The following PLXDC2 variants were observed in gnomAD, a reference collection of about 807,000 sequenced individuals.
The protein encoded by PLXDC2 is plexin domain-containing protein 2.
PLXDC2 carries 40 observed loss-of-function variants against 68.9 expected under a neutral mutation model. The observed-to-expected ratio is 0.58, with a 90% CI of 0.45 to 0.76. The LOEUF is 0.76. Among genes scored for constraint, PLXDC2 ranks in the 30% least tolerant of loss-of-function variants. The pLI is 0.00. For synonymous variants in PLXDC2, 243 were observed against 234.2 expected (o/e 1.04, Z -0.34); for missense variants, 644 against 661.9 (o/e 0.97, Z 0.30).
At chr10:20,078,952 C>A (rs950595207) in intron 4 of PLXDC2, among the ~76,000 whole-genome samples, 7 of 151,764 alleles carry the variant, frequency 4.6e-5, no homozygotes, top group Non-Finnish European at 1.5e-5. Flanking sequence ...TAGAAGAAAA[C>A]TAGAGAAGAA....
intron 1 of PLXDC2, among the ~76,000 whole-genome samples, chr10:19,904,058 AT>A (rs771512341): frequency 8.6e-5 from 13 of 151,884 alleles, no homozygotes; most frequent in East Asian, 5.8e-4. Context: ...ACCTGATATA[AT>A]TTTGATTTTC....
At chr10:20,190,748 A>G (rs537288196) in intron 9 of PLXDC2, among the ~76,000 whole-genome samples, 1 of 151,862 alleles carries the variant, frequency 6.6e-6, no homozygotes, top group Non-Finnish European at 1.5e-5. Context: ...GGGGAATCTA[A>G]TGTTAAAATA....
At chr10:20,049,818 A>G (rs528155407) in intron 3 of PLXDC2, among the ~76,000 whole-genome samples, 13 of 152,300 alleles carry the variant, frequency 8.5e-5, no homozygotes, top group Admixed American at 3.3e-4. Context: ...TGCTATTCCT[A>G]TCAAACTACC....
chr10:20,147,034 C>A (rs972911892), intron 5 of PLXDC2, among the ~76,000 whole-genome samples: 4 of 151,962 alleles, frequency 2.6e-5, no homozygotes, highest in Non-Finnish European at 4.4e-5. Flanking sequence ...AGAGAGTACA[C>A]AATGTCAGTT....
intron 9 of PLXDC2, among the ~76,000 whole-genome samples, chr10:20,203,354 G>A (rs995757444): frequency 4.7e-5 from 7 of 150,398 alleles, no homozygotes; most frequent in Non-Finnish European, 8.9e-5. Flanking sequence ...GCAGTGGTAT[G>A]ATAACAGCTC....
intron 5 of PLXDC2, among the ~76,000 whole-genome samples, chr10:20,145,010 A>G (rs1834054061): frequency 6.6e-6 from 1 of 152,228 alleles, no homozygotes; most frequent in South Asian, 2.1e-4. Context: ...TAAGTTCTTT[A>G]AAAACAAGGA....
intron 12 of PLXDC2, among the ~76,000 whole-genome samples, chr10:20,244,572 C>G (rs1219482815): frequency 6.6e-6 from 1 of 152,120 alleles, no homozygotes; most frequent in East Asian, 1.9e-4. Flanking sequence ...ACAAATTATG[C>G]TTGGAGTTCA....
chr10:20,124,539 C>A (rs191593303), intron 4 of PLXDC2, among the ~76,000 whole-genome samples: 1 of 152,066 alleles, frequency 6.6e-6, no homozygotes, highest in African/African-American at 2.4e-5. Flanking sequence ...AAATTTCCTG[C>A]GTGTCTGAGT....
intron 4 of PLXDC2, among the ~76,000 whole-genome samples, chr10:20,080,161 G>T (rs1836525928): frequency 6.6e-6 from 1 of 152,058 alleles, no homozygotes; most frequent in South Asian, 2.1e-4. Flanking sequence ...AGCATTTGGG[G>T]GTTGTCACTC....
At chr10:20,149,529 G>T (rs1834125019) in intron 6 of PLXDC2, among the ~76,000 whole-genome samples, 1 of 151,990 alleles carries the variant, frequency 6.6e-6, no homozygotes, top group South Asian at 2.1e-4. Context: ...GTGAGCCACT[G>T]CGCCCGGCCG....
chr10:19,939,971 G>A (rs1026794991), intron 1 of PLXDC2, among the ~76,000 whole-genome samples: 2 of 151,858 alleles, frequency 1.3e-5, no homozygotes, highest in East Asian at 3.8e-4. Flanking sequence ...GAATTCCATT[G>A]GTATGGTTGG....
intron 1 of PLXDC2, among the ~76,000 whole-genome samples, chr10:19,913,467 G>A (rs754231914): frequency 1.6e-4 from 25 of 151,910 alleles, no homozygotes; most frequent in Non-Finnish European, 2.8e-4. Context: ...GTGTAATACC[G>A]GACTAATACC....
intron 1 of PLXDC2, among the ~76,000 whole-genome samples, chr10:19,924,283 C>T (rs1441070540): frequency 1.3e-5 from 2 of 152,168 alleles, no homozygotes; most frequent in African/African-American, 4.8e-5. Context: ...GTGCCAAAAC[C>T]TGGGACCAGG....
At chr10:20,233,162 G>A (rs1835387638) in intron 12 of PLXDC2, among the ~76,000 whole-genome samples, 1 of 152,084 alleles carries the variant, frequency 6.6e-6, no homozygotes, top group African/African-American at 2.4e-5. Context: ...ATAGTTGCAA[G>A]GGCTTTGGTC....
intron 2 of PLXDC2, among the ~76,000 whole-genome samples, chr10:20,006,531 C>A (rs1835031221): frequency 1.3e-5 from 2 of 152,076 alleles, no homozygotes; most frequent in Non-Finnish European, 2.9e-5. Context: ...AGATGTTCTC[C>A]TCATTTTTTT....
At chr10:19,973,344 ATG>A (rs1220527756) in intron 1 of PLXDC2, among the ~76,000 whole-genome samples, 1 of 148,720 alleles carries the variant, frequency 6.7e-6, no homozygotes, top group Non-Finnish European at 1.5e-5. Context: ...ATGTGTATAT[ATG>A]TATACTCACA....
chr10:20,281,535 C>G lies in PLXDC2; in HGVS notation c.*1716C>G, dbSNP rs1836081994. Reference sequence around the variant, plus strand: ...ATCAGTCCACTCACAGAGTACCATACTTTATCATCACAAGTGTCTGACGTG... The same window carrying G: ...ATCAGTCCACTCACAGAGTACCATAGTTTATCATCACAAGTGTCTGACGTG... On this transcript the variant is annotated 3_prime_UTR_variant, in exon 14 of 14. Transcript: ENST00000377252. The G allele has an allele frequency of 6.6e-6, 1 of 152,154 alleles. No homozygotes were observed. The highest frequency in any genetic ancestry group is 1.5e-5 in the Non-Finnish European group (1 of 68,020). 9.4% of individuals were successfully genotyped at this position (152,154 alleles called of 1,614,324 possible).
At chr10:20,020,362 C>A (rs1292409014) in intron 2 of PLXDC2, among the ~76,000 whole-genome samples, 1 of 151,936 alleles carries the variant, frequency 6.6e-6, no homozygotes, top group Non-Finnish European at 1.5e-5. Flanking sequence ...TACCAGACTC[C>A]TAGTACATCT....
At chr10:20,154,716 T>C (rs1274576323) in intron 6 of PLXDC2, among the ~76,000 whole-genome samples, 1 of 152,134 alleles carries the variant, frequency 6.6e-6, no homozygotes, top group East Asian at 1.9e-4. Context: ...ATACTTGGCA[T>C]TTGTAATCAC....
Sources: gnomAD v4.1 joint callset for allele counts (sites outside exome capture counted in the v4.1 genomes callset) on GRCh38, gnomAD v4.1.1 for gene constraint, MANE v1.5 for transcripts, NCBI Gene and HGNC (gene_info 2026-07-23, HGNC 2026-07-21) for gene names.